Variants in ZC3H3 observed in about 807,000 individuals in gnomAD.
ZC3H3 encodes the protein zinc finger CCCH domain-containing protein 3.
Under a neutral mutation model 77.3 loss-of-function variants are expected in ZC3H3, and 36 were observed. The ratio of observed to expected loss-of-function variants is 0.47; its 90% CI spans 0.36 to 0.61. The LOEUF is 0.61. Among genes scored for constraint, ZC3H3 ranks in the 20% least tolerant of loss-of-function variants. ZC3H3 has a pLI of 0.00. For synonymous variants in ZC3H3, 626 were observed against 555.2 expected (o/e 1.13, Z -1.79); for missense variants, 1,331 against 1,312.2 (o/e 1.01, Z -0.22).
intron 10 of ZC3H3, 105 bp from the exon 11 acceptor site, chr8:143,440,468 T>G: frequency 6.9e-7 from 1 of 1,445,542 alleles, no homozygotes; most frequent in Non-Finnish European, 9.1e-7. Context: ...TGGCCCTCCG[T>G]GGTCTCAGGG....
At chr8:143,519,684 G>A (rs1037328213) in intron 3 of ZC3H3, among the ~76,000 whole-genome samples, 8 of 152,170 alleles carry the variant, frequency 5.3e-5, no homozygotes, top group Non-Finnish European at 1.0e-4. Flanking sequence ...AGCAGCACGG[G>A]GCAAGCGGCC....
chr8:143,522,392 C>G (rs751468074), intron 3 of ZC3H3, among the ~76,000 whole-genome samples: 1 of 152,120 alleles, frequency 6.6e-6, no homozygotes, highest in Non-Finnish European at 1.5e-5. Context: ...TACCTGAGGT[C>G]AGGAGTTCGA....
chr8:143,532,004 C>T (rs1251239804), intron 3 of ZC3H3, among the ~76,000 whole-genome samples: 8 of 152,266 alleles, frequency 5.3e-5, no homozygotes, highest in African/African-American at 1.9e-4. Context: ...TGATTGAACG[C>T]GGCAATTACG....
chr8:143,508,881 G>A (rs978330395), intron 3 of ZC3H3, among the ~76,000 whole-genome samples: 3 of 152,092 alleles, frequency 2.0e-5, no homozygotes, highest in East Asian at 1.9e-4. Context: ...AACAGCCCTC[G>A]AGGCACCCTG....
chr8:143,506,832 C>A (rs1821711436), intron 4 of ZC3H3, among the ~76,000 whole-genome samples: 1 of 152,146 alleles, frequency 6.6e-6, no homozygotes, highest in African/African-American at 2.4e-5. Context: ...CTGGGGTTAG[C>A]CTCAGGCCTG....
intron 3 of ZC3H3, among the ~76,000 whole-genome samples, chr8:143,516,411 A>G (rs1822044263): frequency 6.6e-6 from 1 of 151,956 alleles, no homozygotes; most frequent in African/African-American, 2.4e-5. Flanking sequence ...GCTGCTCCGC[A>G]GGGTGGAGAG....
intron 4 of ZC3H3, among the ~76,000 whole-genome samples, chr8:143,499,583 T>C (rs966645906): frequency 3.3e-5 from 5 of 151,872 alleles, no homozygotes; most frequent in African/African-American, 9.7e-5. Flanking sequence ...GAAGCGACAA[T>C]GCTATCATTC....
At chr8:143,515,268 G>A (rs1441697231) in intron 3 of ZC3H3, among the ~76,000 whole-genome samples, 1 of 152,224 alleles carries the variant, frequency 6.6e-6, no homozygotes, top group African/African-American at 2.4e-5. Flanking sequence ...GAGCCAGCCT[G>A]TGGCGCATAC....
chr8:143,507,130 C>A (rs1563866923), intron 4 of ZC3H3, among the ~76,000 whole-genome samples: 2 of 152,236 alleles, frequency 1.3e-5, no homozygotes, highest in East Asian at 1.9e-4. Flanking sequence ...CTCCTGAGGC[C>A]CAGAGGCTGA....
At chr8:143,452,410 A>G (rs1343314974) in intron 9 of ZC3H3, among the ~76,000 whole-genome samples, 1 of 152,216 alleles carries the variant, frequency 6.6e-6, no homozygotes, top group Non-Finnish European at 1.5e-5. Flanking sequence ...AGAAGGAGGC[A>G]GCCCCTCCAC....
At chr8:143,521,140 C>T (rs1442207201) in intron 3 of ZC3H3, among the ~76,000 whole-genome samples, 13 of 152,312 alleles carry the variant, frequency 8.5e-5, no homozygotes, top group African/African-American at 2.9e-4. Flanking sequence ...AACAAGAAAA[C>T]CACGGCCACC....
rs1199609871 is a variant in ZC3H3 at position 143,486,222 on chromosome 8, C to T, written c.1716-10637G>A. On this transcript the variant is annotated intron_variant, in intron 4 of 11. Transcript: ENST00000262577. ...ACACGGCAGGGAAAAAGAATGAGTT[C>T]CCGCCAGGCGCGGCAATGTAGCGGA... Among the ~76,000 whole-genome samples the T allele has an allele frequency of 2.0e-5, 3 of 152,378 alleles. No homozygotes were observed. The East Asian group carries it at 5.8e-4, about 29-fold the overall frequency.
chr8:143,440,943 C>A lies in ZC3H3; in HGVS notation c.2485G>T (p.Gly829Trp). ...TGCCCACTGCCCCATCACCTGGGCC[C>A]GTGGCTGGCCGAGACCCTGCTCCTG... The part of the protein sequence containing the change: ...TARSRVSASH[G>W]PRKPSASQRP... Residue 829 changes from glycine to tryptophan, a missense_variant, in exon 10 of 12, where the codon GGG (glycine) becomes TGG (tryptophan). Around this residue, in one of 3 missense-constraint regions of ZC3H3, gnomAD observed 249 missense variants for 236.9 expected, o/e 1.05. Transcript: ENST00000262577. 7.0e-7 allele frequency: 1 copy of A among 1,428,314 alleles called. No individual in the cohort carries two copies. The allele number at this position is 1,428,314 out of a possible 1,614,324, so 88.5% of individuals were successfully genotyped here.
chr8:143,482,929 T>A (rs551826715), intron 4 of ZC3H3, among the ~76,000 whole-genome samples: 29 of 152,292 alleles, frequency 1.9e-4, no homozygotes, highest in Admixed American at 6.5e-4. Context: ...GGACACGACC[T>A]CAGGGCCTTC....
intron 4 of ZC3H3, among the ~76,000 whole-genome samples, chr8:143,481,365 C>T (rs868681385): frequency 6.6e-6 from 1 of 152,242 alleles, no homozygotes; most frequent in African/African-American, 2.4e-5. Flanking sequence ...CACCGAAGTT[C>T]CCATGCCAGC....
intron 5 of ZC3H3, among the ~76,000 whole-genome samples, chr8:143,471,239 C>T (rs1052686972): frequency 2.6e-5 from 4 of 152,266 alleles, no homozygotes; most frequent in Admixed American, 2.0e-4. Flanking sequence ...GCCCACCAGG[C>T]CCTCCAGGGC....
intron 9 of ZC3H3, among the ~76,000 whole-genome samples, chr8:143,463,708 C>T (rs1820329769): frequency 6.6e-6 from 1 of 152,174 alleles, no homozygotes; most frequent in Non-Finnish European, 1.5e-5. Context: ...CAGCGCTGCA[C>T]CAGGACAGGG....
Position 143,475,586 on chromosome 8 carries a change from C to T in ZC3H3, c.1716-1G>A, listed in dbSNP as rs764211279. ...ACGCAGGCGGTTCAGCACCAGGGACCTGCAGAGACAGGAAATGCCCGTCAA... is the reference window on the plus strand; with the variant it reads ...ACGCAGGCGGTTCAGCACCAGGGACTTGCAGAGACAGGAAATGCCCGTCAA... On this transcript the variant is annotated splice_acceptor_variant, in intron 4 of 11. Transcript: ENST00000262577. LOFTEE classifies it high-confidence loss of function. 2 of 1,590,040 alleles carry T rather than the reference C, an allele frequency of 1.3e-6. No individual in the cohort carries two copies. Among genetic ancestry groups the T allele is most frequent in the South Asian group, 2.3e-5 (2 of 88,198 alleles).
At chr8:143,473,641 C>G (rs1296218313) in intron 5 of ZC3H3, among the ~76,000 whole-genome samples, 2 of 152,226 alleles carry the variant, frequency 1.3e-5, no homozygotes, top group African/African-American at 4.8e-5. Flanking sequence ...CAGTGCCAGC[C>G]AACGTGGGGC....
Sources: gnomAD v4.1 joint callset for allele counts (sites outside exome capture counted in the v4.1 genomes callset) on GRCh38, gnomAD v4.1.1 for gene constraint, gnomAD v4.1.1 regional missense constraint, MANE v1.5 for transcripts, NCBI Gene and HGNC (gene_info 2026-07-23, HGNC 2026-07-21) for gene names.